ATP2C2: variants seen among roughly 807,000 people sequenced by gnomAD.
ATP2C2 encodes ATPase secretory pathway Ca2+ transporting 2.
Under a neutral mutation model 110.8 loss-of-function variants are expected in ATP2C2, and 171 were observed. The observed-to-expected ratio is 1.54, with a 90% CI of 1.36 to 1.75. The LOEUF (loss-of-function observed/expected upper bound fraction) is 1.75. ATP2C2 is among the 40% of genes most tolerant of loss of function. The pLI is 0.00. For synonymous variants in ATP2C2, 804 were observed against 508.4 expected, an observed-to-expected ratio of 1.58 and a Z score of -7.82; for missense variants, 1,963 against 1,235.0, an observed-to-expected ratio of 1.59 and a Z score of -8.84.
rs374025878 is a variant in ATP2C2, at chr16:84,454,956, C to T, written c.2119C>T (p.Leu707=). 2.4e-5 allele frequency: 38 copies of T among 1,613,642 alleles called. No individual in the cohort carries two copies. Among genetic ancestry groups the T allele is most frequent in the Non-Finnish European group, 1.4e-5 (16 of 1,179,916 alleles). Residue 707 remains leucine, a synonymous_variant, in exon 21 of 27, where the codon CTG becomes TTG. Coordinates refer to ENST00000262429, the MANE Select transcript of ATP2C2 (RefSeq NM_014861.4). ...CAGCAAAGAGGCCGCCAACATGATC[C>T]TGGTGGATGATGACTTCTCAGCCAT... The part of the protein sequence containing the change: ...DVSKEAANMI[L]VDDDFSAIMN...
chr16:84,416,977 C>CT (rs1906893968), intron 7 of ATP2C2, among the ~76,000 whole-genome samples: 2 of 152,108 alleles, frequency 1.3e-5, no homozygotes, highest in Non-Finnish European at 2.9e-5. Context: ...GACACAGGTC[C>CT]GCCACAAGGG....
At chr16:84,413,378 C>T (rs758923091) in intron 6 of ATP2C2, among the ~76,000 whole-genome samples, 6 of 151,968 alleles carry the variant, frequency 3.9e-5, no homozygotes, top group Non-Finnish European at 7.4e-5. Context: ...CGGAGAATGA[C>T]GAAGGACCAA....
chr16:84,459,622 C>A, intron 23 of ATP2C2: 4 of 1,520,624 alleles, frequency 2.6e-6, no homozygotes, highest in Non-Finnish European at 3.5e-6. Context: ...CTCCCTCTGC[C>A]TGGATGCTCT....
In ATP2C2 at chr16:84,379,268, A is replaced by G. The variant is rs144472299; in HGVS notation, c.99+10554A>G. Among the ~76,000 whole-genome samples the G allele has an allele frequency of 1.9e-3, 285 of 151,934 alleles. 1 individual carries two copies. Among genetic ancestry groups the G allele is most frequent in the African/African-American group, 6.7e-3 (278 of 41,412 alleles). ...GCAATCATGGCTCACTGCAGTCTCA[A>G]TCTTTCTGGGCTGAAGTGATCCTCC... On this transcript the variant is annotated intron_variant, in intron 1 of 26. Transcript: ENST00000262429.
chr16:84,446,146 G>A (rs1312493379), intron 15 of ATP2C2, among the ~76,000 whole-genome samples, 183 bp from the exon 16 acceptor site: 1 of 142,944 alleles, frequency 7.0e-6, no homozygotes, highest in Non-Finnish European at 1.5e-5. Flanking sequence ...CAAGAGAAGA[G>A]ACTTTTTTTT....
chr16:84,390,693 G>T (rs1189865036), intron 1 of ATP2C2, among the ~76,000 whole-genome samples: 1 of 152,140 alleles, frequency 6.6e-6, no homozygotes, highest in Non-Finnish European at 1.5e-5. Flanking sequence ...AGTGTTTGGG[G>T]ATGAGCTCCA....
At chr16:84,434,195 A>G (rs867161445) in intron 11 of ATP2C2, among the ~76,000 whole-genome samples, 5 of 152,030 alleles carry the variant, frequency 3.3e-5, no homozygotes, top group African/African-American at 1.2e-4. Context: ...AGGCGCGTGG[A>G]TCATGAGGTC....
intron 11 of ATP2C2, chr16:84,438,953 C>G: frequency 1.8e-6 from 1 of 555,868 alleles, no homozygotes; most frequent in Non-Finnish European, 3.1e-6. Flanking sequence ...AGGAGAGGTC[C>G]CTTCCCAAGA....
chr16:84,455,351 G>A lies in ATP2C2; in HGVS notation c.2147+367G>A, dbSNP rs142501811. On this transcript the variant is annotated intron_variant, in intron 21 of 26. Coordinates refer to ENST00000262429, the MANE Select transcript of ATP2C2 (RefSeq NM_014861.4). ...GTAAGGAAAACCTGTGGCCAAATAC[G>A]TGCTCACACTTGAGTGTGGGGTGAG... is the stretch of plus-strand genomic sequence containing the variant. Among the ~76,000 whole-genome samples, 206 of 152,296 alleles carry A rather than the reference G, an allele frequency of 1.4e-3. 1 individual carries two copies. The highest frequency in any genetic ancestry group is 4.4e-3 in the African/African-American group (182 of 41,566).
In ATP2C2 at chr16:84,399,021, G is replaced by A. The variant is rs147674118; in HGVS notation, c.210+412G>A. 5.0e-4 allele frequency among the ~76,000 whole-genome samples: 76 copies of A among 152,336 alleles called. No homozygotes were observed. In the East Asian group the frequency reaches 0.011, roughly 21 times the overall value. On this transcript the variant is annotated intron_variant, in intron 2 of 26. Coordinates refer to ENST00000262429, the MANE Select transcript of ATP2C2 (RefSeq NM_014861.4). ...CTCTTGGTCATCCGGTATTCCCACC[G>A]TCGTCTTTTATAATCCGTGGAGTTG...
intron 1 of ATP2C2, among the ~76,000 whole-genome samples, chr16:84,395,879 C>G (rs1904942933): frequency 1.3e-5 from 2 of 152,100 alleles, no homozygotes; most frequent in South Asian, 2.1e-4. Context: ...GGGTATGGCT[C>G]TCTGGCATTA....
chr16:84,440,104 C>G (rs1909106732), intron 13 of ATP2C2, among the ~76,000 whole-genome samples: 2 of 152,250 alleles, frequency 1.3e-5, no homozygotes, highest in African/African-American at 2.4e-5. Flanking sequence ...TCCCAGAGTG[C>G]TGGGATTACA....
At chr16:84,386,064 C>T (rs1335204873) in intron 1 of ATP2C2, among the ~76,000 whole-genome samples, 2 of 152,210 alleles carry the variant, frequency 1.3e-5, no homozygotes, top group Non-Finnish European at 2.9e-5. Context: ...ATCCTTTGAG[C>T]ACTTCCCTTT....
chr16:84,419,682 G>C (rs1303736094), intron 7 of ATP2C2, among the ~76,000 whole-genome samples: 1 of 151,890 alleles, frequency 6.6e-6, no homozygotes, highest in Non-Finnish European at 1.5e-5. Flanking sequence ...CATCCACATC[G>C]CTCATTCATT....
rs369793367 is a variant in ATP2C2 at position 84,415,468 on chromosome 16, C to G, written c.516-15C>G. On this transcript the variant is annotated splice_polypyrimidine_tract_variant and intron_variant, in intron 6 of 26. Coordinates refer to ENST00000262429, the MANE Select transcript of ATP2C2 (RefSeq NM_014861.4). ...TCAGCATGGATGCTTTTGCTTTTTA[C>G]CATGTCAAATGCAGCCTAAGAGAAG... 2.5e-6 allele frequency: 4 copies of G among 1,611,418 alleles called. No individual in the cohort carries two copies. Among genetic ancestry groups the G allele is most frequent in the South Asian group, 2.2e-5 (2 of 91,032 alleles).
At chr16:84,395,691 C>G (rs567560387) in intron 1 of ATP2C2, among the ~76,000 whole-genome samples, 127 of 150,708 alleles carry the variant, frequency 8.4e-4, no homozygotes, top group African/African-American at 2.9e-3. Context: ...TGTATTTTTA[C>G]AAAATACCAT....
At chr16:84,403,874 A>G (rs745416733) in intron 2 of ATP2C2, among the ~76,000 whole-genome samples, 4 of 152,110 alleles carry the variant, frequency 2.6e-5, no homozygotes, top group Non-Finnish European at 5.9e-5. Flanking sequence ...TATTTTTAGT[A>G]GAGACGGGCT....
At position 84,390,281 on chromosome 16, in the gene ATP2C2, G is replaced by A. The variant is rs144087991; in HGVS notation, c.100-8218G>A. Among the ~76,000 whole-genome samples the A allele has an allele frequency of 4.6e-3, 694 of 152,348 alleles. 11 individuals are homozygous for A. The highest frequency in any genetic ancestry group is 0.016 in the African/African-American group (653 of 41,582). On this transcript the variant is annotated intron_variant, in intron 1 of 26. Coordinates refer to ENST00000262429, the MANE Select transcript of ATP2C2 (RefSeq NM_014861.4). Reference sequence around the variant, plus strand: ...TGAGGGAGGCTGTTCGCCCGGAGGTGCCGCTGGCTCCCTTGCTCTGGAGTG... The same window carrying A: ...TGAGGGAGGCTGTTCGCCCGGAGGTACCGCTGGCTCCCTTGCTCTGGAGTG...
rs756408477 is a variant in ATP2C2, at chr16:84,463,990, T to C, written c.*258T>C. ...CACCACACTGTTTATTAAATCACAATGATTTTTATTAACCATGTCTAACTA... is the reference window on the plus strand; with the variant it reads ...CACCACACTGTTTATTAAATCACAACGATTTTTATTAACCATGTCTAACTA... On this transcript the variant is annotated 3_prime_UTR_variant, in exon 27 of 27. Coordinates refer to ENST00000262429, the MANE Select transcript of ATP2C2 (RefSeq NM_014861.4). 2.6e-5 allele frequency: 10 copies of C among 384,138 alleles called. No individual in the cohort carries two copies. The highest frequency in any genetic ancestry group is 4.1e-5 in the Admixed American group (1 of 24,404). The allele number at this position is 384,138 out of a possible 1,614,324, so 23.8% of individuals were successfully genotyped here.
Sources: gnomAD v4.1 joint callset for allele counts (sites outside exome capture counted in the v4.1 genomes callset) on GRCh38, gnomAD v4.1.1 for gene constraint, MANE v1.5 for transcripts, NCBI Gene and HGNC (gene_info 2026-07-23, HGNC 2026-07-21) for gene names.